Variants in ATXN1 observed in about 807,000 individuals in gnomAD.
ATXN1 encodes the protein ataxin-1.
In ATXN1, 8 loss-of-function variants were observed where a neutral mutation model predicts 56.4. The ratio of observed to expected loss-of-function variants is 0.14; its 90% confidence interval spans 0.08 to 0.26. The LOEUF (loss-of-function observed/expected upper bound fraction) is 0.26, where lower values mean the gene tolerates loss of function less well. Among genes scored for constraint, ATXN1 ranks in the 10% least tolerant of loss-of-function variants. The probability of loss-of-function intolerance (pLI) is 1.00; values close to 1 mark genes in which losing one functional copy is unlikely to be tolerated. For missense variants in ATXN1, 987 were observed against 1,106.5 expected (o/e 0.89, Z 1.53); for synonymous variants, 514 against 494.6 (o/e 1.04, Z -0.52).
intron 4 of ATXN1, among the ~76,000 whole-genome samples, chr6:16,565,592 T>C (rs187121923): frequency 1.3e-5 from 2 of 152,190 alleles, no homozygotes; most frequent in Non-Finnish European, 2.9e-5. Context: ...AATTTCCACA[T>C]GAACCAGAAG....
intron 6 of ATXN1, among the ~76,000 whole-genome samples, chr6:16,445,986 A>G (rs1400973657): frequency 1.1e-4 from 16 of 151,742 alleles, no homozygotes; most frequent in Admixed American, 9.2e-4. Flanking sequence ...ATAAACATAC[A>G]TGTGCATGTG....
At chr6:16,401,259 A>C (rs1287778514) in intron 6 of ATXN1, among the ~76,000 whole-genome samples, 1 of 152,164 alleles carries the variant, frequency 6.6e-6, no homozygotes, top group Non-Finnish European at 1.5e-5. Context: ...TCTTTACACA[A>C]CATGGGAAGT....
At chr6:16,591,228 A>G (rs181553277) in intron 3 of ATXN1, among the ~76,000 whole-genome samples, 1 of 152,260 alleles carries the variant, frequency 6.6e-6, no homozygotes, top group African/African-American at 2.4e-5. Context: ...AAGAACTGGG[A>G]CTACAGGTGT....
chr6:16,536,971 C>T (rs912082458), intron 4 of ATXN1, among the ~76,000 whole-genome samples: 1 of 151,862 alleles, frequency 6.6e-6, no homozygotes, highest in Non-Finnish European at 1.5e-5. Flanking sequence ...ATTTATTTTA[C>T]AATTTCCATA....
chr6:16,432,144 T>C (rs1674191295), intron 6 of ATXN1, among the ~76,000 whole-genome samples: 1 of 152,232 alleles, frequency 6.6e-6, no homozygotes, highest in Non-Finnish European at 1.5e-5. Context: ...TCCAAAAGTA[T>C]TTACTTCAAA....
chr6:16,626,689 T>C (rs1449997604), intron 3 of ATXN1, among the ~76,000 whole-genome samples: 1 of 152,220 alleles, frequency 6.6e-6, no homozygotes, highest in Non-Finnish European at 1.5e-5. Context: ...TCAAAATTCA[T>C]GTGTTGAAGC....
At chr6:16,669,394 C>A (rs1194074722) in intron 2 of ATXN1, among the ~76,000 whole-genome samples, 1 of 152,174 alleles carries the variant, frequency 6.6e-6, no homozygotes, top group Non-Finnish European at 1.5e-5. Flanking sequence ...AAATTTTCAA[C>A]AACCACAAAG....
intron 6 of ATXN1, among the ~76,000 whole-genome samples, chr6:16,445,989 T>C (rs1285156489): frequency 1.3e-5 from 2 of 152,112 alleles, no homozygotes; most frequent in Non-Finnish European, 2.9e-5. Context: ...AACATACATG[T>C]GCATGTGTCT....
At chr6:16,474,427 C>T (rs981495401) in intron 6 of ATXN1, among the ~76,000 whole-genome samples, 2 of 152,156 alleles carry the variant, frequency 1.3e-5, no homozygotes, top group African/African-American at 4.8e-5. Flanking sequence ...CTGAAGATCA[C>T]CCATCTCTCA....
In ATXN1 at chr6:16,622,334, T is replaced by C. The variant is rs559239968; in HGVS notation, c.-489+35442A>G. ...TTAGCTCAGGGCTCATAAAACCATGTGCTCTAGGAGATGGTGATGATGATG... is the reference window on the plus strand; with the variant it reads ...TTAGCTCAGGGCTCATAAAACCATGCGCTCTAGGAGATGGTGATGATGATG... On this transcript the variant is annotated intron_variant, in intron 3 of 7. Transcript: ENST00000436367. Among the ~76,000 whole-genome samples the C allele has an allele frequency of 3.3e-5, 5 of 152,288 alleles. No homozygotes were observed. The East Asian group carries it at 9.6e-4, about 29-fold the overall frequency.
chr6:16,393,638 T>A (rs1364117217), intron 6 of ATXN1, among the ~76,000 whole-genome samples: 2 of 152,250 alleles, frequency 1.3e-5, no homozygotes, highest in Non-Finnish European at 2.9e-5. Context: ...TCTGAATACA[T>A]ACCAGTGTTT....
chr6:16,370,435 A>G (rs1762015455), intron 6 of ATXN1, among the ~76,000 whole-genome samples: 1 of 152,252 alleles, frequency 6.6e-6, no homozygotes, highest in Non-Finnish European at 1.5e-5. Context: ...ATTTTAAGAA[A>G]AGAGGCAACT....
At chr6:16,462,812 A>G (rs1760026381) in intron 6 of ATXN1, among the ~76,000 whole-genome samples, 3 of 152,066 alleles carry the variant, frequency 2.0e-5, no homozygotes, top group South Asian at 2.1e-4. Context: ...TCAAGCCCCA[A>G]ATGATCATAG....
At chr6:16,704,071 G>C (rs532795408) in intron 2 of ATXN1, among the ~76,000 whole-genome samples, 3 of 152,328 alleles carry the variant, frequency 2.0e-5, no homozygotes, top group East Asian at 1.9e-4. Flanking sequence ...TTTATGTTGA[G>C]TGTCTCTAAC....
At chr6:16,334,531 C>T (rs1210650793) in intron 6 of ATXN1, among the ~76,000 whole-genome samples, 3 of 152,068 alleles carry the variant, frequency 2.0e-5, no homozygotes, top group Non-Finnish European at 4.4e-5. Flanking sequence ...GCCTGGACAA[C>T]ATATCGAGAT....
At chr6:16,640,362 C>T (rs1274407202) in intron 3 of ATXN1, among the ~76,000 whole-genome samples, 1 of 152,148 alleles carries the variant, frequency 6.6e-6, no homozygotes, top group Non-Finnish European at 1.5e-5. Context: ...TCCCTCCTCT[C>T]GGGCCTCCTT....
At chr6:16,321,857 T>A (rs1294024618) in intron 7 of ATXN1, among the ~76,000 whole-genome samples, 2 of 152,234 alleles carry the variant, frequency 1.3e-5, no homozygotes, top group African/African-American at 4.8e-5. Context: ...TTACAAGGGC[T>A]GTGCTGTTCT....
intron 6 of ATXN1, among the ~76,000 whole-genome samples, chr6:16,347,053 G>A (rs1030622510): frequency 1.3e-5 from 2 of 152,364 alleles, no homozygotes; most frequent in South Asian, 4.1e-4. Context: ...TCAATTTCTC[G>A]CCAGGCCTTA....
intron 4 of ATXN1, among the ~76,000 whole-genome samples, chr6:16,526,183 A>G (rs1761391633): frequency 6.6e-6 from 1 of 151,810 alleles, no homozygotes; most frequent in South Asian, 2.1e-4. Flanking sequence ...ATGTATCAAC[A>G]TCATAACATT....
Sources: allele counts gnomAD v4.1 joint callset (sites outside exome capture counted in the v4.1 genomes callset), GRCh38; gene constraint gnomAD v4.1.1; transcripts MANE v1.5; gene names NCBI Gene and HGNC (gene_info 2026-07-23, HGNC 2026-07-21).